CDH12: variants seen among roughly 807,000 people sequenced by gnomAD.
The protein encoded by CDH12 is cadherin 12.
Under a neutral mutation model 74.1 loss-of-function variants are expected in CDH12, and 41 were observed. That is an observed-to-expected ratio of 0.55 (90% CI 0.43 to 0.72). The LOEUF is 0.72. Among genes scored for constraint, CDH12 ranks in the 30% least tolerant of loss-of-function variants. The pLI, the probability that CDH12 is intolerant of heterozygous loss-of-function variation, is 0.00. For missense variants in CDH12, 945 were observed against 977.2 expected (o/e 0.97, Z 0.44); for synonymous variants, 399 against 355.0 (o/e 1.12, Z -1.39).
intron 6 of CDH12, among the ~76,000 whole-genome samples, chr5:21,857,550 T>C (rs1280328952): frequency 2.0e-5 from 3 of 151,860 alleles, no homozygotes. Context: ...AATAACTATA[T>C]TCTATATCTT....
intron 1 of CDH12, among the ~76,000 whole-genome samples, chr5:22,782,278 C>G (rs964184377): frequency 2.0e-5 from 3 of 152,038 alleles, no homozygotes; most frequent in Non-Finnish European, 2.9e-5. Context: ...TGTTCCCACC[C>G]AAATATCATC....
chr5:22,245,278 C>A (rs897672290), intron 3 of CDH12, among the ~76,000 whole-genome samples: 1 of 151,998 alleles, frequency 6.6e-6, no homozygotes, highest in African/African-American at 2.4e-5. Context: ...TTTGGGAGAA[C>A]ATTTTTCAAA....
intron 1 of CDH12, among the ~76,000 whole-genome samples, chr5:22,622,290 C>G (rs1738015963): frequency 6.6e-6 from 1 of 151,594 alleles, no homozygotes; most frequent in Non-Finnish European, 1.5e-5. Flanking sequence ...AGGAACATCC[C>G]CTACTGAAAA....
intron 1 of CDH12, among the ~76,000 whole-genome samples, chr5:22,561,127 A>C (rs1199952643): frequency 6.6e-6 from 1 of 152,128 alleles, no homozygotes; most frequent in African/African-American, 2.4e-5. Flanking sequence ...TATTGTTCAA[A>C]ACTATTATTT....
intron 1 of CDH12, among the ~76,000 whole-genome samples, chr5:22,642,680 A>G (rs748815340): frequency 6.6e-6 from 1 of 152,114 alleles, no homozygotes; most frequent in Admixed American, 6.6e-5. Context: ...TTTATTTTTT[A>G]AAAATTGGAA....
At chr5:22,600,396 A>T (rs1300474398) in intron 1 of CDH12, among the ~76,000 whole-genome samples, 3 of 152,136 alleles carry the variant, frequency 2.0e-5, no homozygotes, top group African/African-American at 7.2e-5. Context: ...GTAGAGTTTT[A>T]GTACGTATGT....
At chr5:21,770,286 T>C (rs769663246) in intron 11 of CDH12, among the ~76,000 whole-genome samples, 16 of 152,198 alleles carry the variant, frequency 1.1e-4, no homozygotes, top group African/African-American at 1.7e-4. Context: ...TGGAGTTATT[T>C]TGTTTCTTTA....
At chr5:22,510,815 T>A (rs1736571807) in intron 1 of CDH12, among the ~76,000 whole-genome samples, 1 of 152,116 alleles carries the variant, frequency 6.6e-6, no homozygotes, top group African/African-American at 2.4e-5. Context: ...GGTTACAGGT[T>A]TCTTTAATTA....
At chr5:22,789,431 T>C (rs1747800119) in intron 1 of CDH12, among the ~76,000 whole-genome samples, 1 of 152,074 alleles carries the variant, frequency 6.6e-6, no homozygotes, top group Non-Finnish European at 1.5e-5. Flanking sequence ...ATTAATCATG[T>C]TCAGCGTTTA....
intron 3 of CDH12, among the ~76,000 whole-genome samples, chr5:22,302,505 C>A (rs1026829929): frequency 6.6e-6 from 1 of 151,988 alleles, no homozygotes; most frequent in Non-Finnish European, 1.5e-5. Flanking sequence ...GAATTTAAAC[C>A]GCTTGCAGGA....
intron 3 of CDH12, among the ~76,000 whole-genome samples, chr5:22,352,533 G>C (rs1740397508): frequency 6.6e-6 from 1 of 152,122 alleles, no homozygotes; most frequent in South Asian, 2.1e-4. Context: ...TATGAGCCCT[G>C]TAAAGAATAC....
At chr5:21,843,934 C>CT (rs1219885052) in intron 7 of CDH12, among the ~76,000 whole-genome samples, 2 of 152,110 alleles carry the variant, frequency 1.3e-5, no homozygotes, top group Admixed American at 6.6e-5. Flanking sequence ...CCGAGTCTAT[C>CT]TTAATTCATT....
At chr5:21,782,937 T>C (rs1434075024) in intron 11 of CDH12, among the ~76,000 whole-genome samples, 1 of 152,132 alleles carries the variant, frequency 6.6e-6, no homozygotes, top group Non-Finnish European at 1.5e-5. Flanking sequence ...AAAAGGAAGA[T>C]GTATGAGTTT....
intron 2 of CDH12, among the ~76,000 whole-genome samples, chr5:22,410,176 C>G (rs1223919134): frequency 6.6e-6 from 1 of 152,018 alleles, no homozygotes; most frequent in Non-Finnish European, 1.5e-5. Flanking sequence ...TCCTGCCCTC[C>G]TGTCTCTCAG....
At chr5:22,751,237 G>A (rs542824797) in intron 1 of CDH12, among the ~76,000 whole-genome samples, 26 of 150,886 alleles carry the variant, frequency 1.7e-4, no homozygotes, top group South Asian at 6.2e-4. Flanking sequence ...GGGACTTATC[G>A]CATATCTGAA....
At chr5:21,813,855 C>A (rs1747889653) in intron 9 of CDH12, among the ~76,000 whole-genome samples, 1 of 152,116 alleles carries the variant, frequency 6.6e-6, no homozygotes, top group African/African-American at 2.4e-5. Context: ...ACCCCTTCAT[C>A]CTACTTTAAG....
intron 6 of CDH12, among the ~76,000 whole-genome samples, chr5:21,921,703 C>G (rs144689305): frequency 6.6e-6 from 1 of 152,178 alleles, no homozygotes; most frequent in Non-Finnish European, 1.5e-5. Context: ...GAATCTGACA[C>G]TACAAATTTC....
At chr5:22,806,587 C>T (rs181210156) in intron 1 of CDH12, among the ~76,000 whole-genome samples, 3,705 of 152,086 alleles carry the variant, frequency 0.024, 153 homozygotes, top group African/African-American at 0.086. Flanking sequence ...ATCTCCTGAC[C>T]TCGTGATCCG....
chr5:22,685,329 C>G (rs1352647582), intron 1 of CDH12, among the ~76,000 whole-genome samples: 1 of 152,146 alleles, frequency 6.6e-6, no homozygotes, highest in East Asian at 1.9e-4. Flanking sequence ...CCTCCACCTC[C>G]TGGGTTCAAG....
Sources: allele counts gnomAD v4.1 joint callset (sites outside exome capture counted in the v4.1 genomes callset), GRCh38; gene constraint gnomAD v4.1.1; transcripts MANE v1.5; gene names NCBI Gene and HGNC (gene_info 2026-07-23, HGNC 2026-07-21).